DOCK7: variants seen among roughly 807,000 people sequenced by gnomAD.
DOCK7 encodes dedicator of cytokinesis 7, also known as dedicator of cytokinesis protein 7.
A neutral mutation model predicts 271.0 loss-of-function variants in DOCK7; 138 were observed. That is an observed-to-expected ratio of 0.51 (90% CI 0.44 to 0.59). The LOEUF (loss-of-function observed/expected upper bound fraction) is 0.59. Among genes scored for constraint, DOCK7 ranks in the 20% least tolerant of loss-of-function variants. The pLI is 0.00. For missense variants in DOCK7, 2,066 were observed against 2,592.4 expected (o/e 0.80, Z 4.41); for synonymous variants, 823 against 876.1 (o/e 0.94, Z 1.07).
intron 9 of DOCK7, chr1:62,634,539 CAG>C (rs887356091): frequency 3.2e-6 from 1 of 312,210 alleles, no homozygotes; most frequent in African/African-American, 2.1e-5. Flanking sequence ...ATAATCAAAA[CAG>C]ATCTAAGATA....
chr1:62,562,686 T>A (rs982273054), intron 18 of DOCK7, among the ~76,000 whole-genome samples: 2 of 152,110 alleles, frequency 1.3e-5, no homozygotes, highest in African/African-American at 2.4e-5. Flanking sequence ...AAAAAGATGA[T>A]AGGCTAGAGA....
intron 35 of DOCK7, among the ~76,000 whole-genome samples, 191 bp from the exon 36 acceptor site, chr1:62,506,007 G>A (rs1646925674): frequency 6.6e-6 from 1 of 151,492 alleles, no homozygotes; most frequent in African/African-American, 2.4e-5. Context: ...TAAGAAAAGG[G>A]GGAAAAAGAA....
At chr1:62,687,513 A>C (rs1201000601) in intron 1 of DOCK7, 1 of 139,288 alleles carries the variant, frequency 7.2e-6, no homozygotes, top group Non-Finnish European at 1.6e-5. Flanking sequence ...CGCACAGTTA[A>C]ATTCACAGGC....
intron 1 of DOCK7, among the ~76,000 whole-genome samples, chr1:62,682,520 G>T (rs1050450709): frequency 6.6e-6 from 1 of 152,092 alleles, no homozygotes; most frequent in Non-Finnish European, 1.5e-5. Flanking sequence ...ACAGGGAAGG[G>T]GGTGGAGGGA....
At chr1:62,461,930 GC>G (rs1253924754) in intron 48 of DOCK7, among the ~76,000 whole-genome samples, 1 of 151,380 alleles carries the variant, frequency 6.6e-6, no homozygotes, top group Non-Finnish European at 1.5e-5. Context: ...AATTTGCCAG[GC>G]GTGGTGGCAC....
intron 48 of DOCK7, among the ~76,000 whole-genome samples, chr1:62,459,631 A>T (rs1054932309): frequency 4.6e-5 from 7 of 152,192 alleles, no homozygotes; most frequent in Admixed American, 1.3e-4. Context: ...GTTAATCTAG[A>T]TTAATATAAT....
intron 14 of DOCK7, chr1:62,602,166 A>G: frequency 1.2e-6 from 1 of 810,742 alleles, no homozygotes; most frequent in Non-Finnish European, 2.0e-6. Context: ...ATGTATTGCC[A>G]TAACATTAAT....
At chr1:62,545,766 T>A (rs1041902971) in intron 22 of DOCK7, among the ~76,000 whole-genome samples, 1 of 152,190 alleles carries the variant, frequency 6.6e-6, no homozygotes, top group Admixed American at 6.6e-5. Context: ...CTAAAGTATA[T>A]GTCCAGAAGT....
intron 7 of DOCK7, among the ~76,000 whole-genome samples, chr1:62,639,754 G>A (rs76272805): frequency 0.029 from 4,435 of 151,938 alleles, 94 homozygotes; most frequent in Non-Finnish European, 0.044. Context: ...TTTTTAAACC[G>A]CATTTAAAGA....
chr1:62,575,897 A>G (rs1321751134), intron 18 of DOCK7, among the ~76,000 whole-genome samples: 1 of 152,222 alleles, frequency 6.6e-6, no homozygotes, highest in African/African-American at 2.4e-5. Context: ...CAACAAAAAT[A>G]TATTTTCTTT....
intron 15 of DOCK7, among the ~76,000 whole-genome samples, chr1:62,585,653 G>A (rs559925310): frequency 6.6e-6 from 1 of 152,202 alleles, no homozygotes; most frequent in African/African-American, 2.4e-5. Context: ...AACTTGAAAT[G>A]CTTTCCTTTC....
At chr1:62,612,308 G>T (rs112558132) in intron 14 of DOCK7, among the ~76,000 whole-genome samples, 1 of 152,162 alleles carries the variant, frequency 6.6e-6, no homozygotes, top group African/African-American at 2.4e-5. Context: ...GACAATGCAA[G>T]TTAATTAATC....
At chr1:62,481,799 T>C (rs1198447567) in intron 43 of DOCK7, 2 of 152,232 alleles carry the variant, frequency 1.3e-5, no homozygotes, top group Non-Finnish European at 2.9e-5. Context: ...TATTTTAGTT[T>C]TGTTGTCTTT....
chr1:62,592,380 T>C (rs1474258145), intron 14 of DOCK7, among the ~76,000 whole-genome samples: 1 of 152,038 alleles, frequency 6.6e-6, no homozygotes, highest in Non-Finnish European at 1.5e-5. Context: ...ACAAAAATAC[T>C]AGAAGAGCTT....
rs776268613 is a variant in DOCK7 at position 62,535,630 on chromosome 1, A to G, written c.3474T>C (p.Ser1158=). Residue 1158 remains serine, a splice_region_variant and synonymous_variant, in exon 29 of 50, where the codon AGT becomes AGC. Transcript: ENST00000635253. ...CTTGTACATTCGTAGAAAATCCAGA[A>G]CTCTGTTGGAAAGTGAGGCAGAACA... ...SPSVSSATSQ[S]SGFSTNVQDQ... is the part of the protein sequence containing the mutation. The G allele has an allele frequency of 6.2e-7, 1 of 1,612,930 alleles. No individual in the cohort carries two copies. Among genetic ancestry groups the G allele is most frequent in the Non-Finnish European group, 8.5e-7 (1 of 1,179,418 alleles).
At chr1:62,677,150 C>T (rs1660626237) in intron 1 of DOCK7, among the ~76,000 whole-genome samples, 1 of 152,176 alleles carries the variant, frequency 6.6e-6, no homozygotes, top group Non-Finnish European at 1.5e-5. Flanking sequence ...TACTCTTATC[C>T]TCATTCTTTA....
intron 22 of DOCK7, among the ~76,000 whole-genome samples, chr1:62,551,379 C>T (rs2149418835): frequency 6.8e-6 from 1 of 147,638 alleles, no homozygotes; most frequent in Non-Finnish European, 1.5e-5. Flanking sequence ...CCTGAACAAA[C>T]TCATAATGTT....
At chr1:62,569,380 C>T (rs1052091889) in intron 18 of DOCK7, among the ~76,000 whole-genome samples, 2 of 151,992 alleles carry the variant, frequency 1.3e-5, no homozygotes, top group African/African-American at 4.8e-5. Context: ...CATCAAAAAG[C>T]TTATCACCAT....
intron 2 of DOCK7, among the ~76,000 whole-genome samples, chr1:62,660,184 T>G (rs375588976): frequency 2.6e-5 from 4 of 152,078 alleles, no homozygotes; most frequent in African/African-American, 9.6e-5. Context: ...AAAACAAACT[T>G]CAACAAATTT....
Sources: gnomAD v4.1 joint callset for allele counts (sites outside exome capture counted in the v4.1 genomes callset) on GRCh38, gnomAD v4.1.1 for gene constraint, MANE v1.5 for transcripts, NCBI Gene and HGNC (gene_info 2026-07-23, HGNC 2026-07-21) for gene names.